Variants in TMEM132B observed in about 807,000 individuals in gnomAD.
TMEM132B encodes transmembrane protein 132B.
A neutral mutation model predicts 90.8 loss-of-function variants in TMEM132B; 18 were observed. The ratio of observed to expected loss-of-function variants is 0.20; its 90% CI spans 0.14 to 0.29. The LOEUF (loss-of-function observed/expected upper bound fraction) is 0.29. Ranked by LOEUF, TMEM132B falls within the 10% of genes least tolerant of loss-of-function variation. TMEM132B has a pLI of 1.00. For synonymous variants in TMEM132B, 504 were observed against 523.3 expected (o/e 0.96, Z 0.50); for missense variants, 1,096 against 1,326.8 (o/e 0.83, Z 2.70).
At chr12:125,556,968 A>G (rs12308090) in intron 4 of TMEM132B, among the ~76,000 whole-genome samples, 15,379 of 152,102 alleles carry the variant, frequency 0.1, 926 homozygotes, top group African/African-American at 0.17. Context: ...GTTAGCCAGG[A>G]CATCTCTGTT....
intron 1 of TMEM132B, among the ~76,000 whole-genome samples, chr12:125,193,145 G>A (rs188540011): frequency 2.0e-4 from 31 of 152,328 alleles, no homozygotes; most frequent in East Asian, 1.5e-3. Flanking sequence ...GAAGAATCAT[G>A]AACCATCAGC....
At chr12:125,552,462 C>A (rs1018477896) in intron 4 of TMEM132B, among the ~76,000 whole-genome samples, 2 of 152,166 alleles carry the variant, frequency 1.3e-5, no homozygotes, top group African/African-American at 4.8e-5. Flanking sequence ...GTAATGGGGG[C>A]ACCATGATTT....
intron 2 of TMEM132B, among the ~76,000 whole-genome samples, chr12:125,414,819 T>C (rs572510225): frequency 2.0e-5 from 3 of 152,292 alleles, no homozygotes; most frequent in South Asian, 2.1e-4. Flanking sequence ...CCCACTGTTA[T>C]AGAGGAGATG....
chr12:125,280,144 T>C (rs1875118250), intron 1 of TMEM132B, among the ~76,000 whole-genome samples: 1 of 152,130 alleles, frequency 6.6e-6, no homozygotes, highest in South Asian at 2.1e-4. Context: ...TCCAAAAACG[T>C]AGGACTCTCC....
rs183823227 is a variant in TMEM132B, at chr12:125,244,382, C to T, written c.67+57516C>T. Among the ~76,000 whole-genome samples the T allele has an allele frequency of 5.0e-3, 767 of 152,266 alleles. 3 individuals carry two copies. The highest frequency in any genetic ancestry group is 0.018 in the African/African-American group (733 of 41,536). The stretch of plus-strand genomic sequence containing the variant: ...CAGAGGTGGGTGTGAGGCATGACCG[C>T]GCTATGGGGAGAGGATGGCACAGCT... On this transcript the variant is annotated intron_variant, in intron 1 of 8. Coordinates refer to ENST00000682704, the MANE Select transcript of TMEM132B (RefSeq NM_001366854.1).
intron 2 of TMEM132B, among the ~76,000 whole-genome samples, chr12:125,382,917 CAT>C (rs1378467541): frequency 6.6e-6 from 1 of 152,158 alleles, no homozygotes; most frequent in African/African-American, 2.4e-5. Flanking sequence ...ACATAGGAGA[CAT>C]AGACAGGTAA....
intron 3 of TMEM132B, among the ~76,000 whole-genome samples, chr12:125,484,778 A>AT (rs1252958361): frequency 6.6e-6 from 1 of 151,860 alleles, no homozygotes; most frequent in African/African-American, 2.4e-5. Context: ...TTTTAAAACA[A>AT]TTTTTTAGTA....
At chr12:125,450,460 G>C (rs919875740) in intron 3 of TMEM132B, among the ~76,000 whole-genome samples, 1 of 152,120 alleles carries the variant, frequency 6.6e-6, no homozygotes, top group Admixed American at 6.5e-5. Flanking sequence ...TCACAAACCC[G>C]TGTAGATAAT....
intron 2 of TMEM132B, among the ~76,000 whole-genome samples, chr12:125,382,231 A>C (rs1280131802): frequency 6.6e-6 from 1 of 152,216 alleles, no homozygotes; most frequent in Non-Finnish European, 1.5e-5. Flanking sequence ...CAGGCTCCTA[A>C]AGTGCAGACA....
At chr12:125,646,228 A>G (rs2137035153) in intron 6 of TMEM132B, among the ~76,000 whole-genome samples, 1 of 152,324 alleles carries the variant, frequency 6.6e-6, no homozygotes, top group Non-Finnish European at 1.5e-5. Flanking sequence ...TTAGCTGAGG[A>G]GAAGTCCAGG....
At chr12:125,331,744 A>T (rs564648838) in intron 1 of TMEM132B, among the ~76,000 whole-genome samples, 13 of 152,220 alleles carry the variant, frequency 8.5e-5, no homozygotes, top group African/African-American at 3.1e-4. Flanking sequence ...TGGCTATATT[A>T]TTACAAGTTA....
intron 2 of TMEM132B, among the ~76,000 whole-genome samples, chr12:125,387,921 C>G (rs1878890558): frequency 6.6e-6 from 1 of 152,104 alleles, no homozygotes. Context: ...GGGGTCAGTA[C>G]TGTTGTGGAA....
chr12:125,517,918 G>C (rs2694874), intron 3 of TMEM132B, among the ~76,000 whole-genome samples: 68,356 of 152,046 alleles, frequency 0.45, 18,420 homozygotes, highest in East Asian at 0.85. Flanking sequence ...AATTAGGATA[G>C]TGTGACTGAA....
At chr12:125,260,064 G>A (rs1263992382) in intron 1 of TMEM132B, among the ~76,000 whole-genome samples, 1 of 152,160 alleles carries the variant, frequency 6.6e-6, no homozygotes. Flanking sequence ...AGAAACCACT[G>A]GTATCCACAC....
intron 1 of TMEM132B, among the ~76,000 whole-genome samples, chr12:125,266,874 A>T (rs1874708418): frequency 6.6e-6 from 1 of 152,208 alleles, no homozygotes; most frequent in Admixed American, 6.5e-5. Context: ...TTTGAAAGCG[A>T]ATGTGTCCCA....
intron 1 of TMEM132B, among the ~76,000 whole-genome samples, chr12:125,317,049 G>A (rs775322538): frequency 6.6e-6 from 1 of 152,080 alleles, no homozygotes; most frequent in Non-Finnish European, 1.5e-5. Flanking sequence ...GGGGGCTCCC[G>A]ATCAAAGGAT....
intron 5 of TMEM132B, among the ~76,000 whole-genome samples, chr12:125,639,586 CATT>C (rs1886576975): frequency 6.6e-6 from 1 of 152,184 alleles, no homozygotes; most frequent in Non-Finnish European, 1.5e-5. Context: ...CAACCAGGAG[CATT>C]AGGAGAGTGG....
In TMEM132B at chr12:125,206,922, G is replaced by A. The variant is rs146412123; in HGVS notation, c.67+20056G>A. On this transcript the variant is annotated intron_variant, in intron 1 of 8. Coordinates refer to ENST00000682704, the MANE Select transcript of TMEM132B (RefSeq NM_001366854.1). The stretch of plus-strand genomic sequence containing the variant: ...ACAGTGGTGAAAATGCAATTGGCTC[G>A]TTCCTCCCATGCTTCTCGCAGAGGC... Among the ~76,000 whole-genome samples, 156 of 152,282 alleles carry A rather than the reference G, an allele frequency of 1.0e-3. 1 individual carries two copies. Among genetic ancestry groups the A allele is most frequent in the African/African-American group, 3.4e-3 (140 of 41,568 alleles).
rs1957762039 is a variant in TMEM132B, at chr12:125,186,650, G to GGCGCCT, written c.-146_-145insCTGCGC. On this transcript the variant is annotated 5_prime_UTR_variant, in exon 1 of 9. Transcript: ENST00000682704. This position sits in a 1 kb window ranked among gnomAD's most constrained non-coding sequence, Gnocchi z 6.3. ...CAGCCGAGGAAGCGCCGCCAGCGCC[G>GGCGCCT]GCGCATGCGTCTGGGGAGGAGCGGC... Among the ~76,000 whole-genome samples the GGCGCCT allele has an allele frequency of 6.8e-6, 1 of 146,710 alleles. No individual in the cohort carries two copies. The highest frequency in any genetic ancestry group is 1.5e-5 in the Non-Finnish European group (1 of 65,942).
Sources: allele counts gnomAD v4.1 joint callset (sites outside exome capture counted in the v4.1 genomes callset), GRCh38; gene constraint gnomAD v4.1.1; non-coding constraint Gnocchi (gnomAD v3.1); transcripts MANE v1.5; gene names NCBI Gene and HGNC (gene_info 2026-07-23, HGNC 2026-07-21).